The following DNAH2 variants were observed in gnomAD, a reference collection of about 807,000 sequenced individuals.
The protein encoded by DNAH2 is axonemal beta dynein heavy chain 2.
A neutral mutation model predicts 523.5 loss-of-function variants in DNAH2; 323 were observed. The observed-to-expected ratio is 0.62, with a 90% CI of 0.56 to 0.68. DNAH2 has a LOEUF of 0.68. Ranked by LOEUF, DNAH2 falls within the 30% of genes least tolerant of loss-of-function variation. The pLI is 0.00. For missense variants in DNAH2, 4,907 were observed against 5,701.5 expected, an observed-to-expected ratio of 0.86 and a Z score of 4.49; for synonymous variants, 2,093 against 2,177.4, an observed-to-expected ratio of 0.96 and a Z score of 1.08.
chr17:7,734,054 CA>C, intron 5 of DNAH2, 128 bp from the exon 6 acceptor site: 1 of 742,080 alleles, frequency 1.3e-6, no homozygotes, highest in Non-Finnish European at 2.2e-6. Context: ...CATGAGTCAC[CA>C]TTTCTTCTAC....
At position 7,779,286 on chromosome 17, in the gene DNAH2, T is replaced by C. The variant is rs201653372; in HGVS notation, c.5585T>C (p.Ile1862Thr). 162 of 1,614,098 alleles carry C rather than the reference T, an allele frequency of 1.0e-4. No homozygotes were observed. Among genetic ancestry groups the C allele is most frequent in the Non-Finnish European group, 1.3e-4 (151 of 1,180,050 alleles). Residue 1862 changes from isoleucine (I) to threonine (T), a missense_variant, in exon 36 of 86, where the codon ATC becomes ACC. By Grantham distance (89) the Ile-to-Thr change is moderately conservative. Coordinates refer to ENST00000572933, the MANE Select transcript of DNAH2 (RefSeq NM_020877.5). ...GCFDEFNRIN[I>T]EVLSVVAHQI... is the part of the protein sequence containing the mutation. Reference sequence around the variant, plus strand: ...TTTGATGAGTTTAACCGCATCAACATCGAGGTGCTGTCAGTGGTGGCCCAC... The same window carrying C: ...TTTGATGAGTTTAACCGCATCAACACCGAGGTGCTGTCAGTGGTGGCCCAC...
intron 15 of DNAH2, 70 bp from the exon 16 acceptor site, chr17:7,759,352 G>A: frequency 6.5e-7 from 1 of 1,539,132 alleles, no homozygotes; most frequent in Non-Finnish European, 8.7e-7. Flanking sequence ...CCTGTTGGCT[G>A]GTTCTCACTT....
chr17:7,793,364 C>T (rs577367095), intron 48 of DNAH2, among the ~76,000 whole-genome samples, 159 bp downstream of exon 48: 1 of 152,286 alleles, frequency 6.6e-6, no homozygotes, highest in African/African-American at 2.4e-5. Context: ...TCCCCACTCA[C>T]GAGCCAGGCA....
Position 7,794,314 on chromosome 17 carries a change from A to C in DNAH2, c.7630A>C (p.Arg2544=). The change falls in exon 49 of 86, where the codon AGG becomes CGG. Residue 2544 remains arginine, a synonymous_variant. Coordinates refer to ENST00000572933, the MANE Select transcript of DNAH2 (RefSeq NM_020877.5). ...GGGTGGACGGACTGTCATCTCCCCA[A>C]GGCTACGGAGTCGCTTCAACATTAT... The part of the protein sequence containing the change: ...PGGGRTVISP[R]LRSRFNIINM... 1.2e-6 allele frequency: 2 copies of C among 1,610,396 alleles called. No individual in the cohort carries two copies. The highest frequency in any genetic ancestry group is 1.7e-6 in the Non-Finnish European group (2 of 1,178,492).
chr17:7,784,272 T>A (rs2076677312), intron 39 of DNAH2, among the ~76,000 whole-genome samples: 1 of 152,190 alleles, frequency 6.6e-6, no homozygotes, highest in South Asian at 2.1e-4. Flanking sequence ...AGTGGAGAGC[T>A]TAATATTTCT....
intron 11 of DNAH2, among the ~76,000 whole-genome samples, chr17:7,742,007 C>T (rs897012480): frequency 3.3e-5 from 5 of 152,136 alleles, no homozygotes; most frequent in African/African-American, 1.2e-4. Flanking sequence ...GGAATAGGGC[C>T]GGTATCTGGG....
chr17:7,719,675 AG>A (rs2074536222), intron 1 of DNAH2, 45 bp from the exon 2 acceptor site: 2 of 1,610,484 alleles, frequency 1.2e-6, no homozygotes, highest in Non-Finnish European at 1.7e-6. Flanking sequence ...GGGCTGGTTC[AG>A]GGGTGGTATC....
chr17:7,768,689 G>C (rs1407191413), intron 24 of DNAH2, among the ~76,000 whole-genome samples: 1 of 152,006 alleles, frequency 6.6e-6, no homozygotes, highest in African/African-American at 2.4e-5. Context: ...AACACCTCCC[G>C]AACTTTCCAC....
rs371960954 is a variant in DNAH2 at position 7,759,464 on chromosome 17, A to C, written c.2491A>C (p.Met831Leu). ...WMLYMIRLDRMMEDALRLNVK... is the reference protein window; with the variant it reads ...WMLYMIRLDRLMEDALRLNVK... Reference sequence around the variant, plus strand: ...GCTGTACATGATTCGGCTGGACCGCATGATGGAGGATGCCCTGCGCCTGAA... The same window carrying C: ...GCTGTACATGATTCGGCTGGACCGCCTGATGGAGGATGCCCTGCGCCTGAA... The change falls in exon 16 of 86, where the codon ATG becomes CTG. Residue 831 changes from methionine (M) to leucine (L), a missense_variant. Coordinates refer to ENST00000572933, the MANE Select transcript of DNAH2 (RefSeq NM_020877.5). 2 of 1,614,110 alleles carry C rather than the reference A, an allele frequency of 1.2e-6. No homozygotes were observed. The highest frequency in any genetic ancestry group is 8.5e-7 in the Non-Finnish European group (1 of 1,180,002).
chr17:7,731,488 A>G (rs1326042961), intron 4 of DNAH2, among the ~76,000 whole-genome samples: 1 of 152,114 alleles, frequency 6.6e-6, no homozygotes, highest in Non-Finnish European at 1.5e-5. Flanking sequence ...AATTAAATTT[A>G]ATAGTTTTAA....
Position 7,719,804 on chromosome 17 carries a change from C to A in DNAH2, c.70C>A (p.Arg24=). Residue 24 remains arginine, a synonymous_variant, in exon 2 of 86, where the codon CGG becomes AGG. Coordinates refer to ENST00000572933, the MANE Select transcript of DNAH2 (RefSeq NM_020877.5). ...RGSSQASWSG[R]ATRAAVATQE... is the part of the protein sequence containing the mutation. The stretch of plus-strand genomic sequence containing the variant: ...AAGCTCCCAGGCAAGCTGGTCAGGG[C>A]GGGCCACTCGGGCTGCTGTGGCCAC... 3.1e-6 allele frequency: 5 copies of A among 1,613,258 alleles called. No individual in the cohort carries two copies. Among genetic ancestry groups the A allele is most frequent in the Non-Finnish European group, 3.4e-6 (4 of 1,179,676 alleles).
intron 35 of DNAH2, 76 bp downstream of exon 35, chr17:7,778,545 C>A: frequency 7.2e-7 from 1 of 1,381,336 alleles, no homozygotes; most frequent in Non-Finnish European, 9.7e-7. Flanking sequence ...AAACCCAAAT[C>A]TGGTTCAGTG....
At chr17:7,733,713 A>G (rs1027167737) in intron 5 of DNAH2, among the ~76,000 whole-genome samples, 4 of 151,912 alleles carry the variant, frequency 2.6e-5, no homozygotes, top group African/African-American at 9.7e-5. Context: ...TCCTGACCTC[A>G]TGATCCACCC....
At chr17:7,785,810 G>A (rs1212177054) in intron 39 of DNAH2, among the ~76,000 whole-genome samples, 1 of 152,158 alleles carries the variant, frequency 6.6e-6, no homozygotes, top group African/African-American at 2.4e-5. Context: ...ATAAATATTT[G>A]CTGAATAATA....
In DNAH2 at chr17:7,818,993, C is replaced by T. The variant is rs1428293288; in HGVS notation, c.10745C>T (p.Thr3582Ile). 20 of 1,611,324 alleles carry T rather than the reference C, an allele frequency of 1.2e-5. No homozygotes were observed. Among genetic ancestry groups the T allele is most frequent in the African/African-American group, 2.7e-5 (2 of 74,920 alleles). ...LVNTLHTSKI[T>I]ATEVTEQLET... ...AACACGCTGCATACCTCCAAGATCA[C>T]AGCCACAGAGGTGACTGAGCAGCTG... The change falls in exon 71 of 86, where the codon ACA becomes ATA. Residue 3582 changes from threonine to isoleucine, a missense_variant. Thr to Ile is a moderately conservative substitution (Grantham distance 89). Transcript: ENST00000572933.
Position 7,797,281 on chromosome 17 carries a change from G to T in DNAH2, c.7949+20G>T. 6.2e-7 allele frequency: 1 copy of T among 1,613,838 alleles called. No homozygotes were observed. Among genetic ancestry groups the T allele is most frequent in the South Asian group, 1.1e-5 (1 of 91,066 alleles). ...TTTCAGGTGACATGCATGTGCCCTGGCCAAACGAAGGCTTCCTCAGCCTTG... is the reference window on the plus strand; with the variant it reads ...TTTCAGGTGACATGCATGTGCCCTGTCCAAACGAAGGCTTCCTCAGCCTTG... On this transcript the variant is annotated intron_variant, in intron 51 of 85. Coordinates refer to ENST00000572933, the MANE Select transcript of DNAH2 (RefSeq NM_020877.5).
rs1241170941 is a variant in DNAH2, at chr17:7,780,268, G to A, written c.5834G>A (p.Gly1945Asp). ...GCAGAAATCATTCTCTTTGGAGAGG[G>A]CTTTGGCAACTGCAAGGTACTCCAA... The part of the protein sequence containing the change: ...LIAEIILFGE[G>D]FGNCKILAKK... The change falls in exon 37 of 86, where the codon GGC becomes GAC. Residue 1945 changes from glycine to aspartate, a missense_variant. By Grantham distance (94) the Gly-to-Asp change is moderately conservative. Coordinates refer to ENST00000572933, the MANE Select transcript of DNAH2 (RefSeq NM_020877.5). The surrounding 1 kb of genome is among the most constrained non-coding windows in gnomAD (Gnocchi z 4.4). 1 of 1,614,082 alleles carries A rather than the reference G, an allele frequency of 6.2e-7. No individual in the cohort carries two copies. The highest frequency in any genetic ancestry group is 1.1e-5 in the South Asian group (1 of 91,090).
At chr17:7,773,911 G>A (rs1427968111) in intron 28 of DNAH2, among the ~76,000 whole-genome samples, 1 of 151,946 alleles carries the variant, frequency 6.6e-6, no homozygotes, top group Non-Finnish European at 1.5e-5. Context: ...TGTATTTTTA[G>A]TAGAGATGGG....
intron 12 of DNAH2, among the ~76,000 whole-genome samples, chr17:7,748,380 G>A (rs1415582446): frequency 6.6e-6 from 1 of 152,108 alleles, no homozygotes; most frequent in African/African-American, 2.4e-5. Flanking sequence ...GGGTCAGCCC[G>A]CTCTGGGCTC....
Sources: allele counts gnomAD v4.1 joint callset (sites outside exome capture counted in the v4.1 genomes callset), GRCh38; gene constraint gnomAD v4.1.1; non-coding constraint Gnocchi (gnomAD v3.1); transcripts MANE v1.5; gene names NCBI Gene and HGNC (gene_info 2026-07-23, HGNC 2026-07-21).